DBF4: variants seen among roughly 807,000 people sequenced by gnomAD.
DBF4 encodes DBF4-CDC7 kinase regulatory subunit.
DBF4 carries 25 observed loss-of-function variants against 76.6 expected under a neutral mutation model. The ratio of observed to expected loss-of-function variants is 0.33; its 90% CI spans 0.24 to 0.46. The LOEUF is 0.46. Among genes scored for constraint, DBF4 ranks in the 20% least tolerant of loss-of-function variants. The pLI is 1.00. For synonymous variants in DBF4, 213 were observed against 258.0 expected, an observed-to-expected ratio of 0.83 and a Z score of 1.67; for missense variants, 638 against 760.8, an observed-to-expected ratio of 0.84 and a Z score of 1.90.
intron 3 of DBF4, among the ~76,000 whole-genome samples, chr7:87,885,689 T>A (rs1003698057): frequency 1.3e-4 from 20 of 152,380 alleles, no homozygotes; most frequent in Admixed American, 1.2e-3. Context: ...TGTTTAGGTA[T>A]AATCTGTAGT....
At position 87,900,813 on chromosome 7, in the gene DBF4, T is replaced by G. The variant is rs1377856127; in HGVS notation, c.859T>G (p.Leu287Val). The G allele has an allele frequency of 1.2e-6, 2 of 1,613,432 alleles. No homozygotes were observed. Among genetic ancestry groups the G allele is most frequent in the South Asian group, 2.2e-5 (2 of 91,048 alleles). The change falls in exon 10 of 12, where the codon TTG becomes GTG. Residue 287 changes from leucine to valine, a missense_variant. By Grantham distance (32) the Leu-to-Val change is conservative. Coordinates refer to ENST00000265728, the MANE Select transcript of DBF4 (RefSeq NM_006716.4). Reference protein sequence around the residue: ...KYGGTSIQLQLKEKKKKGYCE... With the variant: ...KYGGTSIQLQVKEKKKKGYCE... ...TGGTGGAACCTCAATTCAACTCCAG[T>G]TGAAAGAGAAGAAGAAAAAAGGATA...
At position 87,885,057 on chromosome 7, in the gene DBF4, G is replaced by C; in HGVS notation, c.298G>C (p.Gly100Arg). 1 of 1,613,720 alleles carries C rather than the reference G, an allele frequency of 6.2e-7. No individual in the cohort carries two copies. The highest frequency in any genetic ancestry group is 8.5e-7 in the Non-Finnish European group (1 of 1,179,742). The change falls in exon 3 of 12, where the codon GGT (glycine) becomes CGT (arginine). Residue 100 changes from glycine (G) to arginine (R), a missense_variant. Coordinates refer to ENST00000265728, the MANE Select transcript of DBF4 (RefSeq NM_006716.4). ...KKEAKFAQTL[G>R]RISPVPSPES... ...GGAAGCTAAATTTGCACAAACCTTG[G>C]GTCGAATTTCTCCTGTACCAAGTCC... is the stretch of plus-strand genomic sequence containing the variant.
intron 6 of DBF4, among the ~76,000 whole-genome samples, chr7:87,891,437 T>G (rs1839488075): frequency 6.6e-6 from 1 of 152,222 alleles, no homozygotes; most frequent in Admixed American, 6.5e-5. Flanking sequence ...GTTGGAAGAT[T>G]CTTAACTATG....
chr7:87,887,865 T>C lies in DBF4; in HGVS notation c.521-118T>C, dbSNP rs1322480050. 5.0e-6 allele frequency: 5 copies of C among 1,006,474 alleles called. No homozygotes were observed. In the African/African-American group the frequency reaches 8.5e-5, roughly 17 times the overall value. 62.3% of individuals were successfully genotyped at this position (1,006,474 alleles called of 1,614,324 possible). On this transcript the variant is annotated intron_variant, in intron 5 of 11. Transcript: ENST00000265728. ...TTAGAGGAGACAAACATTCAGACCA[T>C]AGCATAAGAGATACCTATAATGGTA...
At chr7:87,884,613 A>G (rs988210927) in intron 2 of DBF4, among the ~76,000 whole-genome samples, 2 of 152,236 alleles carry the variant, frequency 1.3e-5, no homozygotes, top group Non-Finnish European at 2.9e-5. Context: ...GTATTTAAGA[A>G]TAGTATCCAG....
intron 1 of DBF4, among the ~76,000 whole-genome samples, chr7:87,877,125 G>A (rs759361591): frequency 1.3e-5 from 2 of 152,216 alleles, no homozygotes; most frequent in African/African-American, 2.4e-5. Context: ...CCGGGCCCTT[G>A]GAGGCGACGG....
In DBF4 at chr7:87,908,214, A is replaced by G; in HGVS notation, c.*51A>G. ...AAGTGATAAGGATCATATTCTTGAA[A>G]TTTTTATAAATATGTATGGAAATTC... On this transcript the variant is annotated 3_prime_UTR_variant, in exon 12 of 12. Transcript: ENST00000265728. 7.3e-7 allele frequency: 1 copy of G among 1,369,606 alleles called. No homozygotes were observed. Among genetic ancestry groups the G allele is most frequent in the African/African-American group, 1.5e-5 (1 of 67,342 alleles). The allele number at this position is 1,369,606 out of a possible 1,614,324, so 84.8% of individuals were successfully genotyped here. A position where few individuals can be genotyped will look rare whatever the true frequency, so the allele number is the denominator to read the frequency against.
chr7:87,887,043 T>A, intron 4 of DBF4, 149 bp downstream of exon 4: 1 of 624,868 alleles, frequency 1.6e-6, no homozygotes, highest in Non-Finnish European at 2.7e-6. Context: ...GTAAAGAACT[T>A]ACTTTTCATG....
intron 6 of DBF4, among the ~76,000 whole-genome samples, chr7:87,889,320 T>C (rs1461917505): frequency 6.6e-6 from 1 of 150,406 alleles, no homozygotes; most frequent in African/African-American, 2.4e-5. Flanking sequence ...CCCTCTGTCA[T>C]CCAGGCTGGA....
At chr7:87,886,030 A>C (rs1839341058) in intron 3 of DBF4, among the ~76,000 whole-genome samples, 1 of 152,194 alleles carries the variant, frequency 6.6e-6, no homozygotes, top group African/African-American at 2.4e-5. Context: ...AAGGAAAATG[A>C]GGAGAAAACA....
rs543473485 is a variant in DBF4, at chr7:87,903,114, G to T, written c.925-1178G>T. ...TTGTTTTTATTTGAGATGGAGTCTC[G>T]CTCTGTCACCCAGGCTGGAGTGCAG... is the stretch of plus-strand genomic sequence containing the variant. On this transcript the variant is annotated intron_variant, in intron 10 of 11. Transcript: ENST00000265728. Among the ~76,000 whole-genome samples, 417 of 152,192 alleles carry T rather than the reference G, an allele frequency of 2.7e-3. 3 individuals carry two copies. Among genetic ancestry groups the T allele is most frequent in the African/African-American group, 9.6e-3 (397 of 41,532 alleles).
Position 87,888,049 on chromosome 7 carries a change from TA to T in DBF4, c.589del (p.Arg197GlufsTer24). On this transcript the variant is annotated frameshift_variant, in exon 6 of 12. Coordinates refer to ENST00000265728, the MANE Select transcript of DBF4 (RefSeq NM_006716.4). LOFTEE classifies it high-confidence loss of function. ...LYLLKKSSTS[V>X]RDGGKRVGSG... ...TTACTCAAGAAATCAAGTACTTCAG[TA>T]AGAGATGGGGTATGTTTTCTTTTTC... 1 of 1,562,258 alleles carries T rather than the reference TA, an allele frequency of 6.4e-7. No homozygotes were observed. The highest frequency in any genetic ancestry group is 8.6e-7 in the Non-Finnish European group (1 of 1,158,004).
chr7:87,885,957 T>A (rs1228349371), intron 3 of DBF4, among the ~76,000 whole-genome samples: 2 of 152,166 alleles, frequency 1.3e-5, no homozygotes, highest in African/African-American at 2.4e-5. Context: ...TAGGTTGAAG[T>A]GTAATTAAGT....
chr7:87,904,449 C>A, intron 11 of DBF4, 33 bp downstream of exon 11: 1 of 1,589,246 alleles, frequency 6.3e-7, no homozygotes, highest in South Asian at 1.1e-5. Flanking sequence ...GTTTTAAATT[C>A]TACTAGGCGG....
chr7:87,900,688 A>G (rs1448627727), intron 9 of DBF4, 76 bp from the exon 10 acceptor site: 4 of 1,179,346 alleles, frequency 3.4e-6, no homozygotes, highest in Non-Finnish European at 4.9e-6. Context: ...TGTGTGTGAT[A>G]GTTTAGGACA....
rs1182457954 is a variant in DBF4, at chr7:87,908,246, T to C, written c.*83T>C. 10 of 1,309,704 alleles carry C rather than the reference T, an allele frequency of 7.6e-6. No individual in the cohort carries two copies. The highest frequency in any genetic ancestry group is 1.0e-5 in the Non-Finnish European group (10 of 1,004,926). 81.1% of individuals were successfully genotyped at this position (1,309,704 alleles called of 1,614,324 possible). Reference sequence around the variant, plus strand: ...TAAATATGTATGGAAATTCTTAGGATTTTTTTACCAGCTTTGTTTACAGAC... The same window carrying C: ...TAAATATGTATGGAAATTCTTAGGACTTTTTTACCAGCTTTGTTTACAGAC... On this transcript the variant is annotated 3_prime_UTR_variant, in exon 12 of 12. Coordinates refer to ENST00000265728, the MANE Select transcript of DBF4 (RefSeq NM_006716.4).
chr7:87,878,694 A>T (rs942357581), intron 2 of DBF4: 1 of 152,752 alleles, frequency 6.5e-6, no homozygotes, highest in Non-Finnish European at 1.5e-5. Context: ...AGAAATTTGC[A>T]TTAAGAATCT....
At position 87,907,179 on chromosome 7, in the gene DBF4, C is replaced by A; in HGVS notation, c.1050-9C>A. The A allele has an allele frequency of 6.6e-7, 1 of 1,519,394 alleles. No individual in the cohort carries two copies. Among genetic ancestry groups the A allele is most frequent in the Non-Finnish European group, 8.8e-7 (1 of 1,137,158 alleles). The allele number at this position is 1,519,394 out of a possible 1,614,324, so 94.1% of individuals were successfully genotyped here. On this transcript the variant is annotated splice_polypyrimidine_tract_variant and intron_variant, in intron 11 of 11. Coordinates refer to ENST00000265728, the MANE Select transcript of DBF4 (RefSeq NM_006716.4). ...ATTTTAATATTTTTCTTCTATTTTT[C>A]CTACAAAGAATAAAATACAGTGTTG...
rs754954428 is a variant in DBF4 at position 87,896,509 on chromosome 7, A to T, written c.633A>T (p.Arg211Ser). The change falls in exon 7 of 12, where the codon AGA becomes AGT. Residue 211 changes from arginine (R) to serine (S), a missense_variant and splice_region_variant. Transcript: ENST00000265728. ...TTGGTAGTGGTGCACAAAAAACAAG[A>T]AGTAAGTATTTTGTGATCTTTAAGT... ...KRVGSGAQKT[R>S]TGRLKKPFVK... 6.2e-7 allele frequency: 1 copy of T among 1,611,160 alleles called. No individual in the cohort carries two copies.
Sources: gnomAD v4.1 joint callset for allele counts (sites outside exome capture counted in the v4.1 genomes callset) on GRCh38, gnomAD v4.1.1 for gene constraint, MANE v1.5 for transcripts, NCBI Gene and HGNC (gene_info 2026-07-23, HGNC 2026-07-21) for gene names.